BCOR: variants seen among roughly 807,000 people sequenced by gnomAD.
The protein encoded by BCOR is BCL-6 corepressor.
In BCOR, 10 loss-of-function variants were observed where a neutral mutation model predicts 86.7. The observed-to-expected ratio is 0.12, with a 90% CI of 0.07 to 0.20. The LOEUF (loss-of-function observed/expected upper bound fraction) is 0.20. Among genes scored for constraint, BCOR ranks in the 10% least tolerant of loss-of-function variants. BCOR has a pLI of 1.00. For synonymous variants in BCOR, 611 were observed against 609.0 expected (o/e 1.00, Z -0.05); for missense variants, 1,259 against 1,452.1 (o/e 0.87, Z 2.16).
At chrX:40,081,492 C>T (rs1432275986) in intron 1 of BCOR, among the ~76,000 whole-genome samples, 1 of 112,543 alleles carries the variant, frequency 8.9e-6, no homozygotes, top group Non-Finnish European at 1.9e-5. Flanking sequence ...CCCTTGGCAG[C>T]GGAACACTGT....
At chrX:40,104,771 C>A (rs1937138525) in intron 1 of BCOR, among the ~76,000 whole-genome samples, 1 of 113,221 alleles carries the variant, frequency 8.8e-6, no homozygotes. Context: ...CCCCTCCTCT[C>A]GCCCTTCCCC....
At position 40,072,886 on chromosome X, in the gene BCOR, G is replaced by A. The variant is rs758328563; in HGVS notation, c.2460C>T (p.Asn820=). The part of the protein sequence containing the change: ...REEPDAKTDT[N]VSKPSFAAES... ...CTGCTGCAAAGCTGGGTTTGGACAC[G>A]TTTGTGTCAGTTTTAGCATCTGGTT... is the stretch of plus-strand genomic sequence containing the variant. The change falls in exon 4 of 15, where the codon AAC becomes AAT. Residue 820 remains asparagine, a synonymous_variant. Transcript: ENST00000378444. The A allele has an allele frequency of 7.4e-6, 9 of 1,211,381 alleles. No homozygotes were observed. Among genetic ancestry groups the A allele is most frequent in the South Asian group, 3.5e-5 (2 of 56,874 alleles).
rs749734466 is a variant in BCOR, at chrX:40,077,877, T to C, written c.53A>G (p.Glu18Gly). Residue 18 changes from glutamate (E) to glycine (G), a missense_variant, in exon 2 of 15, where the codon GAG (glutamate) becomes GGG (glycine). Around this residue, in one of 7 missense-constraint regions of BCOR, gnomAD observed 174 missense variants for 189.3 expected, o/e 0.92. Transcript: ENST00000378444. ...YGNVHSWMNS[E>G]RVRMCGASED... is the part of the protein sequence containing the mutation. ...GCTCGCCCCACACATGCGGACCCTC[T>C]CGCTGTTCATCCAGCTGTGAACGTT... 6.6e-6 allele frequency: 8 copies of C among 1,212,017 alleles called. No individual in the cohort carries two copies. Among genetic ancestry groups the C allele is most frequent in the East Asian group, 3.0e-5 (1 of 33,851 alleles).
At chrX:40,105,444 A>G (rs1336478126) in intron 1 of BCOR, among the ~76,000 whole-genome samples, 2 of 111,348 alleles carry the variant, frequency 1.8e-5, no homozygotes, top group Non-Finnish European at 3.8e-5. Context: ...GTCACCCCTG[A>G]TCCCTCCTCG....
At chrX:40,172,492 G>A (rs1306003159) in intron 1 of BCOR, among the ~76,000 whole-genome samples, 2 of 113,600 alleles carry the variant, frequency 1.8e-5, no homozygotes, top group Non-Finnish European at 3.7e-5. Context: ...AAGCGCCCGA[G>A]CGGGGAGGAG....
intron 1 of BCOR, among the ~76,000 whole-genome samples, chrX:40,139,027 G>T (rs1224873022): frequency 9.1e-6 from 1 of 109,521 alleles, no homozygotes; most frequent in Non-Finnish European, 1.9e-5. Flanking sequence ...CAGACAGTCT[G>T]GCTCCCCCAT....
intron 1 of BCOR, among the ~76,000 whole-genome samples, chrX:40,115,835 A>C (rs760087298): frequency 9.0e-6 from 1 of 111,077 alleles, no homozygotes; most frequent in Admixed American, 9.6e-5. Context: ...CCTCCCCAGA[A>C]CAAATAGATT....
At chrX:40,176,177 A>G (rs1421431398) in intron 1 of BCOR, among the ~76,000 whole-genome samples, 1 of 113,028 alleles carries the variant, frequency 8.8e-6, no homozygotes, top group African/African-American at 3.2e-5. Context: ...GTTTGTCTGC[A>G]GCACTCCCTT....
chrX:40,055,602 T>C, intron 11 of BCOR, 89 bp from the exon 12 acceptor site: 2 of 1,045,698 alleles, frequency 1.9e-6, no homozygotes, highest in Non-Finnish European at 2.6e-6. Flanking sequence ...CAGGCAAAGC[T>C]GGGCACATGT....
rs755213639 is a variant in BCOR at position 40,073,611 on chromosome X, C to G, written c.1735G>C (p.Asp579His). Residue 579 changes from aspartate to histidine, a missense_variant, in exon 4 of 15, where the codon GAT (aspartate) becomes CAT (histidine). Around this residue, in one of 7 missense-constraint regions of BCOR, gnomAD observed 534 missense variants for 594.8 expected, o/e 0.90. Coordinates refer to ENST00000378444, the MANE Select transcript of BCOR (RefSeq NM_001123385.2). ...GAGCTCCTGCTGGTTTTGGTGCCAT[C>G]TGCATTGGCATTGGGGGCGGGTGAT... is the stretch of plus-strand genomic sequence containing the variant. Reference protein sequence around the residue: ...SASPAPNANADGTKTSRSSVE... With the variant: ...SASPAPNANAHGTKTSRSSVE... 3.3e-6 allele frequency: 4 copies of G among 1,211,110 alleles called. No homozygotes were observed. The Admixed American group carries it at 8.7e-5, about 26-fold the overall frequency.
At chrX:40,087,164 T>C (rs961773878) in intron 1 of BCOR, among the ~76,000 whole-genome samples, 1 of 113,193 alleles carries the variant, frequency 8.8e-6, no homozygotes, top group African/African-American at 3.2e-5. Context: ...CTCCATGCCA[T>C]GTCACAGAGG....
At chrX:40,117,150 T>C (rs1350484400) in intron 1 of BCOR, among the ~76,000 whole-genome samples, 1 of 112,485 alleles carries the variant, frequency 8.9e-6, no homozygotes, top group Admixed American at 9.4e-5. Context: ...ATTTCTTCTT[T>C]TCGGCTTCTT....
intron 1 of BCOR, among the ~76,000 whole-genome samples, chrX:40,163,237 G>A (rs1471892554): frequency 3.6e-5 from 4 of 110,943 alleles, no homozygotes; most frequent in African/African-American, 9.9e-5. Flanking sequence ...GCGGCAGATA[G>A]AATGCTAATC....
intron 10 of BCOR, among the ~76,000 whole-genome samples, chrX:40,060,169 G>A (rs1934800438): frequency 8.9e-6 from 1 of 112,441 alleles, no homozygotes. Context: ...TGCCACATCT[G>A]AATGGACTAT....
chrX:40,080,864 G>GTT (rs1936061099), intron 1 of BCOR, among the ~76,000 whole-genome samples: 1 of 88,720 alleles, frequency 1.1e-5, no homozygotes, highest in Non-Finnish European at 2.3e-5. Context: ...GTGTGTGTGT[G>GTT]TTTTGGGAGG....
chrX:40,157,601 GAGGTGTCAACCCAGTTTAC>G (rs901045311), intron 1 of BCOR, among the ~76,000 whole-genome samples: 4 of 112,443 alleles, frequency 3.6e-5, no homozygotes, highest in Non-Finnish European at 7.5e-5. Context: ...GAACCAGTGG[GAGGTGTCAACCCAGTTTAC>G]AAAGGGTAAT....
chrX:40,156,859 C>A (rs894818350), intron 1 of BCOR, among the ~76,000 whole-genome samples: 4 of 113,797 alleles, frequency 3.5e-5, no homozygotes, highest in Non-Finnish European at 7.5e-5. Context: ...GCCGCTGTCT[C>A]CAGGGAGTCG....
chrX:40,099,197 G>A (rs1241791877), upstream of BCOR, among the ~76,000 whole-genome samples: 1 of 111,470 alleles, frequency 9.0e-6, no homozygotes, highest in Non-Finnish European at 1.9e-5. Flanking sequence ...CGCACCCGGC[G>A]CGGCTCTGGG....
chrX:40,102,461 C>A (rs1181572686), upstream of BCOR, among the ~76,000 whole-genome samples: 1 of 113,953 alleles, frequency 8.8e-6, no homozygotes, highest in African/African-American at 3.2e-5. Context: ...GCCCTCGACG[C>A]CGCCGCGCTG....
Sources: allele counts gnomAD v4.1 joint callset (sites outside exome capture counted in the v4.1 genomes callset), GRCh38; gene constraint gnomAD v4.1.1; regional missense constraint gnomAD v4.1.1; transcripts MANE v1.5; gene names NCBI Gene and HGNC (gene_info 2026-07-23, HGNC 2026-07-21).